Variants in EPB41L4A observed in about 807,000 individuals in gnomAD.
The protein encoded by EPB41L4A is erythrocyte membrane protein band 4.1 like 4A, also known as band 4.1-like protein 4A.
A neutral mutation model predicts 108.6 loss-of-function variants in EPB41L4A; 100 were observed. That is an observed-to-expected ratio of 0.92 (90% CI 0.78 to 1.09). The LOEUF (loss-of-function observed/expected upper bound fraction) is 1.09, where lower values mean the gene tolerates loss of function less well. EPB41L4A is among the 50% of genes least tolerant of loss of function. The pLI, the probability that EPB41L4A is intolerant of heterozygous loss-of-function variation, is 0.00. For synonymous variants in EPB41L4A, 319 were observed against 289.0 expected (o/e 1.10, Z -1.05); for missense variants, 1,030 against 842.7 (o/e 1.22, Z -2.75).
intron 1 of EPB41L4A, among the ~76,000 whole-genome samples, chr5:112,403,761 C>T (rs1240017106): frequency 2.6e-5 from 4 of 152,166 alleles, no homozygotes; most frequent in Admixed American, 6.5e-5. Context: ...AGGTACTGCG[C>T]GAGGCCTAAG....
At chr5:112,272,843 T>C (rs1343555808) in intron 4 of EPB41L4A, among the ~76,000 whole-genome samples, 1 of 137,252 alleles carries the variant, frequency 7.3e-6, no homozygotes, top group African/African-American at 2.7e-5. Flanking sequence ...ATGTATGAAA[T>C]AGTAACATGT....
chr5:112,346,358 C>T (rs538541590), intron 1 of EPB41L4A, among the ~76,000 whole-genome samples: 48 of 150,706 alleles, frequency 3.2e-4, no homozygotes, highest in Non-Finnish European at 5.2e-4. Flanking sequence ...CCTGTAGCTG[C>T]GATTACAGGC....
chr5:112,341,060 C>T (rs997536744), intron 1 of EPB41L4A, among the ~76,000 whole-genome samples: 24 of 152,282 alleles, frequency 1.6e-4, no homozygotes, highest in African/African-American at 5.3e-4. Flanking sequence ...TCCCCACACG[C>T]CATCTCTCCT....
In EPB41L4A at chr5:112,163,956, G is replaced by A. The variant is rs778831428; in HGVS notation, c.*1034C>T. On this transcript the variant is annotated 3_prime_UTR_variant, in exon 23 of 23. Coordinates refer to ENST00000261486, the MANE Select transcript of EPB41L4A (RefSeq NM_022140.5). The stretch of plus-strand genomic sequence containing the variant: ...CTGGCAGCTGTGGAGAGAACTGTAC[G>A]TGGTAAGGGGGAGATATAAGATGTC... The A allele has an allele frequency of 3.3e-5, 5 of 152,232 alleles. No individual in the cohort carries two copies. Among genetic ancestry groups the A allele is most frequent in the South Asian group, 2.1e-4 (1 of 4,826 alleles). The allele number at this position is 152,232 out of a possible 1,614,324, so 9.4% of individuals were successfully genotyped here. A position where few individuals can be genotyped will look rare whatever the true frequency, so the allele number is the denominator to read the frequency against.
intron 15 of EPB41L4A, among the ~76,000 whole-genome samples, chr5:112,202,261 G>C (rs1762256251): frequency 6.6e-6 from 1 of 152,116 alleles, no homozygotes. Flanking sequence ...AGCATTGTCA[G>C]CAGCAAGCAC....
downstream of EPB41L4A, among the ~76,000 whole-genome samples, chr5:112,160,324 C>A (rs961422165): frequency 6.6e-6 from 1 of 152,140 alleles, no homozygotes; most frequent in Admixed American, 6.5e-5. Context: ...GCCCTCCTGG[C>A]ACTTACATTG....
At chr5:112,233,727 T>G (rs1749125845) in intron 12 of EPB41L4A, among the ~76,000 whole-genome samples, 1 of 152,158 alleles carries the variant, frequency 6.6e-6, no homozygotes, top group African/African-American at 2.4e-5. Context: ...TTTTTTGTTG[T>G]TTGTTTGTTT....
chr5:112,232,312 T>C (rs1305474873), intron 12 of EPB41L4A, among the ~76,000 whole-genome samples: 1 of 152,184 alleles, frequency 6.6e-6, no homozygotes, highest in Non-Finnish European at 1.5e-5. Flanking sequence ...TCTCTCTCAA[T>C]GGACTCAAAC....
chr5:112,411,354 T>G (rs1762401243), intron 1 of EPB41L4A, among the ~76,000 whole-genome samples: 1 of 152,102 alleles, frequency 6.6e-6, no homozygotes, highest in Non-Finnish European at 1.5e-5. Context: ...TATATGAATA[T>G]CAAATCACCA....
At chr5:112,416,965 A>G (rs1176861583) in intron 1 of EPB41L4A, among the ~76,000 whole-genome samples, 1 of 152,248 alleles carries the variant, frequency 6.6e-6, no homozygotes, top group East Asian at 1.9e-4. Flanking sequence ...AGCAGACAAC[A>G]TCTGTGTTAC....
At chr5:112,387,280 C>A (rs1370671873) in intron 1 of EPB41L4A, among the ~76,000 whole-genome samples, 1 of 152,188 alleles carries the variant, frequency 6.6e-6, no homozygotes, top group Non-Finnish European at 1.5e-5. Flanking sequence ...AACCACCATT[C>A]CAGCTTCCCA....
At chr5:112,273,186 G>A (rs1405643473) in intron 4 of EPB41L4A, among the ~76,000 whole-genome samples, 3 of 152,058 alleles carry the variant, frequency 2.0e-5, no homozygotes, top group East Asian at 3.8e-4. Flanking sequence ...TGTATTAAAC[G>A]CACATTTAAC....
chr5:112,308,637 C>T (rs372061394), intron 1 of EPB41L4A, among the ~76,000 whole-genome samples: 8 of 152,286 alleles, frequency 5.3e-5, no homozygotes, highest in African/African-American at 1.7e-4. Context: ...CATGATGAAT[C>T]TTTAGGTTAC....
intron 4 of EPB41L4A, among the ~76,000 whole-genome samples, chr5:112,272,935 A>T (rs1290059259): frequency 6.6e-6 from 1 of 152,180 alleles, no homozygotes; most frequent in Non-Finnish European, 1.5e-5. Flanking sequence ...AGACAACCTA[A>T]CAGCCAACGC....
At chr5:112,389,792 A>G (rs145500431) in intron 1 of EPB41L4A, among the ~76,000 whole-genome samples, 1 of 152,298 alleles carries the variant, frequency 6.6e-6, no homozygotes, top group African/African-American at 2.4e-5. Flanking sequence ...TTATAATTTC[A>G]TCTTTTGACA....
At chr5:112,243,875 T>C (rs915607272) in intron 9 of EPB41L4A, among the ~76,000 whole-genome samples, 13 of 152,228 alleles carry the variant, frequency 8.5e-5, no homozygotes, top group Non-Finnish European at 1.5e-5. Context: ...GGATCTTCTA[T>C]CCAGACCATT....
chr5:112,147,043 G>A (rs1315323327), intron 12 of EPB41L4A, among the ~76,000 whole-genome samples: 1 of 152,194 alleles, frequency 6.6e-6, no homozygotes, highest in African/African-American at 2.4e-5. Context: ...TCCAATTAAA[G>A]TGTAATCCTG....
At chr5:112,347,345 T>A (rs1349664120) in intron 1 of EPB41L4A, among the ~76,000 whole-genome samples, 1 of 152,194 alleles carries the variant, frequency 6.6e-6, no homozygotes, top group Non-Finnish European at 1.5e-5. Context: ...ATAAGGAAAA[T>A]GCAGTAGAAT....
At chr5:112,411,739 C>A (rs1351802240) in intron 1 of EPB41L4A, among the ~76,000 whole-genome samples, 1 of 152,144 alleles carries the variant, frequency 6.6e-6, no homozygotes, top group Non-Finnish European at 1.5e-5. Context: ...GGTGACCATA[C>A]AGCACTCCCA....
Sources: allele counts gnomAD v4.1 joint callset (sites outside exome capture counted in the v4.1 genomes callset), GRCh38; gene constraint gnomAD v4.1.1; transcripts MANE v1.5; gene names NCBI Gene and HGNC (gene_info 2026-07-23, HGNC 2026-07-21).